CTNND2: variants seen among roughly 807,000 people sequenced by gnomAD.
CTNND2 encodes catenin delta-2.
A neutral mutation model predicts 144.4 loss-of-function variants in CTNND2; 22 were observed. The observed-to-expected ratio is 0.15, with a 90% CI of 0.11 to 0.22. The LOEUF (loss-of-function observed/expected upper bound fraction) is 0.22, where lower values mean the gene tolerates loss of function less well. Among genes scored for constraint, CTNND2 ranks in the 10% least tolerant of loss-of-function variants. CTNND2 has a pLI of 1.00. For synonymous variants in CTNND2, 751 were observed against 695.6 expected (o/e 1.08, Z -1.25); for missense variants, 1,353 against 1,618.8 (o/e 0.84, Z 2.82).
At chr5:10,996,800 T>C (rs1739401162) in intron 18 of CTNND2, among the ~76,000 whole-genome samples, 1 of 152,228 alleles carries the variant, frequency 6.6e-6, no homozygotes, top group South Asian at 2.1e-4. Flanking sequence ...AGTTTCACCA[T>C]GTTGGCCAGG....
At chr5:11,343,599 C>T (rs1754479294) in intron 9 of CTNND2, among the ~76,000 whole-genome samples, 1 of 152,108 alleles carries the variant, frequency 6.6e-6, no homozygotes, top group African/African-American at 2.4e-5. Context: ...CCAACATGTG[C>T]TGCAGTATGG....
intron 1 of CTNND2, among the ~76,000 whole-genome samples, chr5:11,880,207 G>A (rs1735927642): frequency 6.6e-6 from 1 of 151,996 alleles, no homozygotes. Flanking sequence ...TGTGTAAGAG[G>A]GGCCCAGAAA....
chr5:11,709,960 T>C (rs1286428616), intron 2 of CTNND2, among the ~76,000 whole-genome samples: 2 of 152,194 alleles, frequency 1.3e-5, no homozygotes. Flanking sequence ...GCCTTTGGTG[T>C]TCCACTTAAG....
At chr5:11,038,751 C>T (rs953814968) in intron 16 of CTNND2, among the ~76,000 whole-genome samples, 2 of 152,134 alleles carry the variant, frequency 1.3e-5, no homozygotes, top group Admixed American at 1.3e-4. Context: ...AAAGTTAACC[C>T]TCAAGATTTA....
Position 11,402,927 on chromosome 5 carries a change from G to A in CTNND2, c.440-5724C>T, listed in dbSNP as rs79292273. Among the ~76,000 whole-genome samples the A allele has an allele frequency of 6.4e-3, 979 of 152,286 alleles. 13 individuals are homozygous for A. The highest frequency in any genetic ancestry group is 0.021 in the Middle Eastern group (6 of 292). ...TTAAACTGATTTAGACTTATCCAAT[G>A]TCCTTGGCTTAATTAGTACGCTTTT... On this transcript the variant is annotated intron_variant, in intron 5 of 21. Coordinates refer to ENST00000304623, the MANE Select transcript of CTNND2 (RefSeq NM_001332.4).
At chr5:11,444,454 A>C (rs1407164606) in intron 3 of CTNND2, among the ~76,000 whole-genome samples, 1 of 152,238 alleles carries the variant, frequency 6.6e-6, no homozygotes, top group Non-Finnish European at 1.5e-5. Flanking sequence ...GCTCTTAGGC[A>C]CTGGTGGCTG....
At chr5:11,460,932 C>T (rs1270708489) in intron 3 of CTNND2, among the ~76,000 whole-genome samples, 9 of 152,026 alleles carry the variant, frequency 5.9e-5, no homozygotes, top group Middle Eastern at 3.4e-3. Flanking sequence ...GTCTGTAATC[C>T]CAGCTACTTG....
intron 2 of CTNND2, among the ~76,000 whole-genome samples, chr5:11,712,379 C>G (rs1391248017): frequency 6.6e-6 from 1 of 152,002 alleles, no homozygotes; most frequent in Non-Finnish European, 1.5e-5. Flanking sequence ...CAGCAACTTT[C>G]TTAGGATACA....
chr5:11,895,102 T>C (rs1426905509), intron 1 of CTNND2, among the ~76,000 whole-genome samples: 1 of 152,032 alleles, frequency 6.6e-6, no homozygotes, highest in East Asian at 1.9e-4. Flanking sequence ...CCCAACGAAC[T>C]TGAACTTGAG....
At position 11,120,580 on chromosome 5, in the gene CTNND2, C is replaced by A. The variant is rs1179573780; in HGVS notation, c.2160-3013G>T. On this transcript the variant is annotated intron_variant, in intron 12 of 21. Coordinates refer to ENST00000304623, the MANE Select transcript of CTNND2 (RefSeq NM_001332.4). ...CGCAGGGGTGATGAGGCTCAGTATA[C>A]ACATAGACTTCAAGAGGGGGTTATC... is the stretch of plus-strand genomic sequence containing the variant. 2.9e-5 allele frequency among the ~76,000 whole-genome samples: 3 copies of A among 104,212 alleles called. No individual in the cohort carries two copies. In the East Asian group the frequency reaches 2.0e-3, roughly 68 times the overall value. 68.4% of individuals were successfully genotyped at this position (104,212 alleles called of 152,430 possible). A position where few individuals can be genotyped will look rare whatever the true frequency, so the allele number is the denominator to read the frequency against.
intron 2 of CTNND2, among the ~76,000 whole-genome samples, chr5:11,633,812 C>G (rs1027977622): frequency 6.6e-6 from 1 of 151,320 alleles, no homozygotes; most frequent in Non-Finnish European, 1.5e-5. Context: ...TTGATAGAAA[C>G]GTAGATCAGT....
intron 15 of CTNND2, chr5:11,084,087 T>A: frequency 2.6e-6 from 1 of 379,108 alleles, no homozygotes; most frequent in Non-Finnish European, 3.7e-6. Context: ...TCTCAAGCTC[T>A]AGGAAGCCTT....
chr5:11,148,256 AAC>A (rs750889275), intron 12 of CTNND2, among the ~76,000 whole-genome samples: 1 of 152,232 alleles, frequency 6.6e-6, no homozygotes, highest in Non-Finnish European at 1.5e-5. Flanking sequence ...TGTCATTTTC[AAC>A]ACACTTTGAA....
At chr5:11,780,134 G>C (rs1790465327) in intron 1 of CTNND2, among the ~76,000 whole-genome samples, 1 of 152,160 alleles carries the variant, frequency 6.6e-6, no homozygotes, top group Non-Finnish European at 1.5e-5. Context: ...GTAGTACATT[G>C]AAGGCAGGGC....
At chr5:11,142,814 G>A (rs1448173206) in intron 12 of CTNND2, among the ~76,000 whole-genome samples, 4 of 151,958 alleles carry the variant, frequency 2.6e-5, no homozygotes, top group Non-Finnish European at 4.4e-5. Flanking sequence ...GGGTTTCACC[G>A]TGTTAGCCAG....
intron 19 of CTNND2, among the ~76,000 whole-genome samples, chr5:10,989,422 T>G (rs532146194): frequency 6.6e-6 from 1 of 152,316 alleles, no homozygotes; most frequent in East Asian, 1.9e-4. Flanking sequence ...TGAGTCTGAA[T>G]TTTCAGTGAC....
chr5:11,490,158 C>CA (rs1184546935), intron 3 of CTNND2, among the ~76,000 whole-genome samples: 7 of 152,328 alleles, frequency 4.6e-5, no homozygotes, highest in Non-Finnish European at 8.8e-5. Flanking sequence ...CTTGCAACCA[C>CA]ATTTTTAAGA....
intron 9 of CTNND2, among the ~76,000 whole-genome samples, chr5:11,339,315 A>T (rs1225161043): frequency 6.6e-6 from 1 of 151,940 alleles, no homozygotes; most frequent in Non-Finnish European, 1.5e-5. Flanking sequence ...TGAGCTTTCA[A>T]AGTTGTGTGA....
intron 2 of CTNND2, among the ~76,000 whole-genome samples, chr5:11,662,130 C>CATATATGTGT (rs1554101198): frequency 2.4e-5 from 3 of 126,028 alleles, no homozygotes; most frequent in African/African-American, 1.1e-4. Flanking sequence ...TATATATATA[C>CATATATGTGT]ATATATGTAT....
Sources: allele counts gnomAD v4.1 joint callset (sites outside exome capture counted in the v4.1 genomes callset), GRCh38; gene constraint gnomAD v4.1.1; transcripts MANE v1.5; gene names NCBI Gene and HGNC (gene_info 2026-07-23, HGNC 2026-07-21).